Variants in ADGRB3 observed in about 807,000 individuals in gnomAD.
The protein encoded by ADGRB3 is brain-specific angiogenesis inhibitor 3.
A neutral mutation model predicts 193.4 loss-of-function variants in ADGRB3; 37 were observed. The observed-to-expected ratio is 0.19, with a 90% CI of 0.15 to 0.25. The LOEUF is 0.25. ADGRB3 is among the 10% of genes least tolerant of loss of function. The pLI is 1.00. For missense variants in ADGRB3, 1,637 were observed against 1,852.9 expected (o/e 0.88, Z 2.14); for synonymous variants, 690 against 644.2 (o/e 1.07, Z -1.08).
intron 17 of ADGRB3, among the ~76,000 whole-genome samples, chr6:69,222,303 G>A (rs1384681242): frequency 6.6e-6 from 1 of 152,048 alleles, no homozygotes; most frequent in African/African-American, 2.4e-5. Context: ...TACTAATAAT[G>A]CCTTGTCCAT....
chr6:68,862,940 T>C (rs1055201705), intron 3 of ADGRB3, among the ~76,000 whole-genome samples: 1 of 152,202 alleles, frequency 6.6e-6, no homozygotes, highest in African/African-American at 2.4e-5. Context: ...AATTGAGTTA[T>C]AACTTTGGTA....
At chr6:68,876,435 A>G (rs1033874825) in intron 3 of ADGRB3, among the ~76,000 whole-genome samples, 1 of 152,214 alleles carries the variant, frequency 6.6e-6, no homozygotes, top group African/African-American at 2.4e-5. Context: ...GAAAGGTGAC[A>G]CTAGTCCACG....
chr6:68,914,369 A>C (rs1361975481), intron 3 of ADGRB3, among the ~76,000 whole-genome samples: 1 of 152,202 alleles, frequency 6.6e-6, no homozygotes, highest in Non-Finnish European at 1.5e-5. Context: ...ACAAGCCAGA[A>C]GAGTGTGGAG....
At chr6:68,815,503 T>A (rs1767613050) in intron 3 of ADGRB3, among the ~76,000 whole-genome samples, 1 of 152,068 alleles carries the variant, frequency 6.6e-6, no homozygotes, top group Non-Finnish European at 1.5e-5. Context: ...AAAGGGAGAA[T>A]TTATTATCTT....
At chr6:68,949,559 C>T (rs1767861039) in intron 6 of ADGRB3, among the ~76,000 whole-genome samples, 1 of 152,136 alleles carries the variant, frequency 6.6e-6, no homozygotes, top group Admixed American at 6.6e-5. Flanking sequence ...GCAGGGTGCC[C>T]TTCTGGTGAA....
intron 17 of ADGRB3, among the ~76,000 whole-genome samples, chr6:69,151,862 G>C (rs1277703990): frequency 1.3e-5 from 2 of 152,174 alleles, no homozygotes; most frequent in Admixed American, 1.3e-4. Context: ...GGGACCCAGT[G>C]GGAGGTAATT....
chr6:69,339,032 A>G lies in ADGRB3; in HGVS notation c.3287+18A>G, dbSNP rs769675161. 6.2e-7 allele frequency: 1 copy of G among 1,611,734 alleles called. No individual in the cohort carries two copies. The highest frequency in any genetic ancestry group is 1.7e-5 in the Admixed American group (1 of 59,754). On this transcript the variant is annotated intron_variant, in intron 25 of 31. Transcript: ENST00000370598. ...AACGCCATGTTAGTCCCAATCATTT[A>G]CATCTTCTTGTTACAAATCTTTTAC...
intron 3 of ADGRB3, among the ~76,000 whole-genome samples, chr6:68,900,290 T>C (rs1334578244): frequency 6.6e-6 from 1 of 152,166 alleles, no homozygotes; most frequent in Non-Finnish European, 1.5e-5. Context: ...TTTCTGAGAA[T>C]GTGCTTACAT....
chr6:68,894,480 A>G (rs946186817), intron 3 of ADGRB3, among the ~76,000 whole-genome samples: 2 of 151,978 alleles, frequency 1.3e-5, no homozygotes, highest in Non-Finnish European at 2.9e-5. Flanking sequence ...TGAGAAAATC[A>G]AAAACAGATA....
At chr6:68,858,770 G>C (rs1765065988) in intron 3 of ADGRB3, among the ~76,000 whole-genome samples, 1 of 152,104 alleles carries the variant, frequency 6.6e-6, no homozygotes, top group South Asian at 2.1e-4. Flanking sequence ...AGCTGCAGAT[G>C]GGACACAGGG....
chr6:68,737,450 CAAT>C (rs1236352506), intron 3 of ADGRB3, among the ~76,000 whole-genome samples: 1 of 152,012 alleles, frequency 6.6e-6, no homozygotes, highest in Non-Finnish European at 1.5e-5. Flanking sequence ...CATTGTTTCT[CAAT>C]AATAAGTGTT....
chr6:68,701,840 G>C (rs549494197), intron 3 of ADGRB3, among the ~76,000 whole-genome samples: 9 of 152,194 alleles, frequency 5.9e-5, no homozygotes, highest in African/African-American at 2.2e-4. Context: ...AACACACCAG[G>C]AAACATCTTC....
chr6:68,970,887 T>C (rs139447922), intron 8 of ADGRB3, among the ~76,000 whole-genome samples: 1 of 152,290 alleles, frequency 6.6e-6, no homozygotes, highest in African/African-American at 2.4e-5. Context: ...GACTAGAAGA[T>C]GGATCCAATG....
chr6:68,783,553 G>A (rs1436247628), intron 3 of ADGRB3, among the ~76,000 whole-genome samples: 1 of 151,610 alleles, frequency 6.6e-6, no homozygotes, highest in Non-Finnish European at 1.5e-5. Context: ...AACACTGTAT[G>A]TTATTTTCTA....
intron 12 of ADGRB3, 151 bp downstream of exon 12, chr6:69,014,257 G>GTTACCATACCAGTCTGGA: frequency 3.7e-6 from 2 of 545,214 alleles, no homozygotes; most frequent in Non-Finnish European, 6.4e-6. Flanking sequence ...ACAAATGATC[G>GTTACCATACCAGTCTGGA]TTACCATACC....
intron 17 of ADGRB3, among the ~76,000 whole-genome samples, chr6:69,117,197 TA>T (rs1773558736): frequency 6.6e-6 from 1 of 152,234 alleles, no homozygotes; most frequent in South Asian, 2.1e-4. Context: ...AGATATAATA[TA>T]GTTACAAAAA....
intron 3 of ADGRB3, among the ~76,000 whole-genome samples, chr6:68,791,155 A>G (rs1464193468): frequency 3.3e-5 from 5 of 152,162 alleles, no homozygotes; most frequent in Non-Finnish European, 7.3e-5. Flanking sequence ...TTTCCTTAGC[A>G]ATATCTTTCT....
chr6:69,382,438 A>G (rs1769968997), intron 30 of ADGRB3, among the ~76,000 whole-genome samples: 2 of 152,114 alleles, frequency 1.3e-5, no homozygotes, highest in East Asian at 1.9e-4. Flanking sequence ...AAAAAGTAAT[A>G]TTTCCCATGA....
At chr6:68,935,493 C>A (rs189814593) in intron 4 of ADGRB3, among the ~76,000 whole-genome samples, 23 of 152,268 alleles carry the variant, frequency 1.5e-4, no homozygotes, top group Admixed American at 1.5e-3. Context: ...GCTCTTTGAT[C>A]TACTAATCAG....
Sources: allele counts gnomAD v4.1 joint callset (sites outside exome capture counted in the v4.1 genomes callset), GRCh38; gene constraint gnomAD v4.1.1; transcripts MANE v1.5; gene names NCBI Gene and HGNC (gene_info 2026-07-23, HGNC 2026-07-21).